The following HDX variants were observed in gnomAD, a reference collection of about 807,000 sequenced individuals.
The protein encoded by HDX is highly divergent homeobox.
HDX carries 19 observed loss-of-function variants against 45.2 expected under a neutral mutation model. The observed-to-expected ratio is 0.42, with a 90% CI of 0.29 to 0.62. HDX has a LOEUF of 0.62. Ranked by LOEUF, HDX falls within the 20% of genes least tolerant of loss-of-function variation. The pLI is 0.20. For missense variants in HDX, 532 were observed against 493.9 expected (o/e 1.08, Z -0.73); for synonymous variants, 188 against 172.8 (o/e 1.09, Z -0.69).
chrX:84,409,672 A>G (rs1249142364), intron 5 of HDX, among the ~76,000 whole-genome samples: 3 of 92,648 alleles, frequency 3.2e-5, no homozygotes, highest in African/African-American at 1.2e-4. Flanking sequence ...GAATTGAACA[A>G]TGAGAACACA....
At chrX:84,437,957 G>A (rs1188204769) in intron 5 of HDX, among the ~76,000 whole-genome samples, 7 of 111,327 alleles carry the variant, frequency 6.3e-5, no homozygotes, top group African/African-American at 2.3e-4. Flanking sequence ...TCTCCTGACT[G>A]CTTATTGTCA....
intron 4 of HDX, among the ~76,000 whole-genome samples, chrX:84,466,084 T>A (rs778122527): frequency 8.9e-6 from 1 of 112,406 alleles, no homozygotes; most frequent in Non-Finnish European, 1.9e-5. Flanking sequence ...ATAGTTGTAA[T>A]GAAGGTGATA....
At chrX:84,431,393 T>C (rs2039502046) in intron 5 of HDX, among the ~76,000 whole-genome samples, 1 of 110,984 alleles carries the variant, frequency 9.0e-6, no homozygotes, top group Non-Finnish European at 1.9e-5. Flanking sequence ...AGTCAAATGG[T>C]AATTCTGTTT....
chrX:84,494,103 A>G (rs1235672800), intron 1 of HDX, among the ~76,000 whole-genome samples: 2 of 112,071 alleles, frequency 1.8e-5, no homozygotes, highest in East Asian at 5.6e-4. Context: ...GACTCAACTG[A>G]ATGACTATTT....
At chrX:84,411,984 C>A (rs1277566666) in intron 5 of HDX, among the ~76,000 whole-genome samples, 1 of 111,119 alleles carries the variant, frequency 9.0e-6, no homozygotes, top group Non-Finnish European at 1.9e-5. Context: ...ATACTATCAG[C>A]CCCCACTTTT....
rs1318503130 is a variant in HDX, at chrX:84,318,427, T to C, written c.*3462A>G. On this transcript the variant is annotated 3_prime_UTR_variant, in exon 11 of 11. Coordinates refer to ENST00000373177, the MANE Select transcript of HDX (RefSeq NM_001177479.2). The stretch of plus-strand genomic sequence containing the variant: ...TCTAATATATTAAAAAAGTAGACAA[T>C]ATTTCTGGAATAACACAACTGTAAT... The C allele has an allele frequency of 1.8e-5, 2 of 110,848 alleles. No individual in the cohort carries two copies. The highest frequency in any genetic ancestry group is 3.8e-5 in the Non-Finnish European group (2 of 52,527). 9.1% of individuals were successfully genotyped at this position (110,848 alleles called of 1,213,427 possible). A position where few individuals can be genotyped will look rare whatever the true frequency, so the allele number is the denominator to read the frequency against.
At chrX:84,479,905 T>C (rs1415510071) in intron 2 of HDX, among the ~76,000 whole-genome samples, 1 of 111,436 alleles carries the variant, frequency 9.0e-6, no homozygotes, top group Non-Finnish European at 1.9e-5. Flanking sequence ...GGTTGTTTAC[T>C]TATTATTGAG....
At chrX:84,377,782 A>G (rs1008854129) in intron 5 of HDX, among the ~76,000 whole-genome samples, 1 of 111,538 alleles carries the variant, frequency 9.0e-6, no homozygotes, top group Non-Finnish European at 1.9e-5. Context: ...GGGCAAATCT[A>G]AGAGTTATTG....
At chrX:84,433,523 C>T (rs943830148) in intron 5 of HDX, among the ~76,000 whole-genome samples, 2 of 111,302 alleles carry the variant, frequency 1.8e-5, no homozygotes, top group African/African-American at 6.5e-5. Context: ...TATATGTTCT[C>T]TCCTCTGTTT....
chrX:84,360,009 G>A (rs765617692), intron 6 of HDX, among the ~76,000 whole-genome samples: 4 of 111,796 alleles, frequency 3.6e-5, no homozygotes. Context: ...TACAGAAAGA[G>A]AAATTTTTTA....
At chrX:84,328,353 C>T (rs1321883927) in intron 9 of HDX, among the ~76,000 whole-genome samples, 8 of 110,650 alleles carry the variant, frequency 7.2e-5, no homozygotes, top group African/African-American at 2.6e-4. Context: ...GCTTGGGTGA[C>T]AGTGAGACCC....
intron 5 of HDX, among the ~76,000 whole-genome samples, chrX:84,385,196 C>CTTTTTTTTT (rs146043472): frequency 5.4e-4 from 16 of 29,540 alleles, no homozygotes; most frequent in African/African-American, 1.8e-3. Context: ...TCTCTGATTT[C>CTTTTTTTTT]TTTTTTTTTT....
chrX:84,354,960 TATATATATATATAC>T (rs1470996102), intron 6 of HDX, among the ~76,000 whole-genome samples: 3 of 81,167 alleles, frequency 3.7e-5, no homozygotes, highest in African/African-American at 1.4e-4. Context: ...TATATATATA[TATATATATATATAC>T]ACATACATAC....
In HDX at chrX:84,468,976, A is replaced by G; in HGVS notation, c.747T>C (p.Thr249=). 8.3e-7 allele frequency: 1 copy of G among 1,211,719 alleles called. No individual in the cohort carries two copies. Among genetic ancestry groups the G allele is most frequent in the Non-Finnish European group, 1.1e-6 (1 of 895,509 alleles). ...ALHNLCGQKP[T]IRDPYCRTQN... is the part of the protein sequence containing the mutation. ...GTGTTCTACAGTAAGGGTCTCTAAT[A>G]GTTGGCTTTTGCCCACATAAGTTAT... The change falls in exon 4 of 11, where the codon ACT becomes ACC. Residue 249 remains threonine, a synonymous_variant. Coordinates refer to ENST00000373177, the MANE Select transcript of HDX (RefSeq NM_001177479.2).
At chrX:84,365,137 T>C (rs2037719185) in intron 5 of HDX, among the ~76,000 whole-genome samples, 1 of 110,650 alleles carries the variant, frequency 9.0e-6, no homozygotes, top group Admixed American at 9.7e-5. Context: ...TGGTGGATAA[T>C]ATGGTAATTC....
intron 5 of HDX, among the ~76,000 whole-genome samples, chrX:84,395,598 T>C (rs778863064): frequency 9.0e-6 from 1 of 111,648 alleles, no homozygotes; most frequent in East Asian, 2.8e-4. Flanking sequence ...GAGCTTCCTG[T>C]ATTTGGATAC....
intron 5 of HDX, among the ~76,000 whole-genome samples, chrX:84,423,320 A>G (rs1395995367): frequency 1.8e-5 from 2 of 110,604 alleles, no homozygotes; most frequent in Non-Finnish European, 3.8e-5. Flanking sequence ...ACAACAACAA[A>G]AAGCCCTAGA....
At chrX:84,492,510 T>C (rs2040911176) in intron 1 of HDX, among the ~76,000 whole-genome samples, 1 of 111,172 alleles carries the variant, frequency 9.0e-6, no homozygotes, top group Middle Eastern at 4.2e-3. Flanking sequence ...CCTCAGTTCC[T>C]TCATCTGGAA....
chrX:84,342,925 A>G (rs1466123506), intron 7 of HDX, among the ~76,000 whole-genome samples: 1 of 111,759 alleles, frequency 8.9e-6, no homozygotes, highest in Non-Finnish European at 1.9e-5. Context: ...ACACTGGAAA[A>G]TATATTGTAA....
Sources: gnomAD v4.1 joint callset for allele counts (sites outside exome capture counted in the v4.1 genomes callset) on GRCh38, gnomAD v4.1.1 for gene constraint, MANE v1.5 for transcripts, NCBI Gene and HGNC (gene_info 2026-07-23, HGNC 2026-07-21) for gene names.